The following AARS2 variants were observed in gnomAD, a reference collection of about 807,000 sequenced individuals.
AARS2 encodes alanyl-tRNA synthetase 2, mitochondrial.
In AARS2, 78 loss-of-function variants were observed where a neutral mutation model predicts 119.7. The ratio of observed to expected loss-of-function variants is 0.65; its 90% CI spans 0.54 to 0.79. The LOEUF is 0.79. Ranked by LOEUF, AARS2 falls within the 30% of genes least tolerant of loss-of-function variation. AARS2 has a pLI of 0.00. For missense variants in AARS2, 1,157 were observed against 1,291.3 expected, an observed-to-expected ratio of 0.90 and a Z score of 1.59; for synonymous variants, 502 against 526.3, an observed-to-expected ratio of 0.95 and a Z score of 0.63.
intron 21 of AARS2, 98 bp downstream of exon 21, chr6:44,301,058 C>A (rs1342993917): frequency 1.8e-5 from 19 of 1,029,164 alleles, no homozygotes; most frequent in Non-Finnish European, 2.5e-5. Context: ...TTCCACCCAG[C>A]CTTGGCCCCT....
In AARS2 at chr6:44,307,253, G is replaced by A. The variant is rs1438347145; in HGVS notation, c.1036C>T (p.Pro346Ser). 1.2e-6 allele frequency: 2 copies of A among 1,613,726 alleles called. No homozygotes were observed. Among genetic ancestry groups the A allele is most frequent in the Admixed American group, 3.3e-5 (2 of 59,974 alleles). ...CTGTAGCCCTTCCAGACTCACGGGG[G>A]ACCTGACATCCCAGGGAAGATGCCA... The part of the protein sequence containing the change: ...SDGIFPGMSG[P>S]PLVLRRILRR... Residue 346 changes from proline to serine, a missense_variant, in exon 6 of 22, where the codon CCC becomes TCC. By Grantham distance (74) the Pro-to-Ser change is moderately conservative. Transcript: ENST00000244571. The surrounding 1 kb of genome is among the most constrained non-coding windows in gnomAD (Gnocchi z 4.4).
intron 19 of AARS2, among the ~76,000 whole-genome samples, chr6:44,301,811 A>T (rs1785381671): frequency 6.6e-6 from 1 of 152,188 alleles, no homozygotes; most frequent in Non-Finnish European, 1.5e-5. Flanking sequence ...GCTGAATGGC[A>T]CTAATCAAGT....
rs111325758 is a variant in AARS2 at position 44,302,438 on chromosome 6, C to T, written c.2440G>A (p.Val814Met). ...TERLSLGSRD[V>M]AEALRLSKDI... ...TTGGACAGCCTCAGTGCCTCCGCCACATCCCGGCTCCCCAGACTCAGCCGC... is the reference window on the plus strand; with the variant it reads ...TTGGACAGCCTCAGTGCCTCCGCCATATCCCGGCTCCCCAGACTCAGCCGC... The change falls in exon 18 of 22, where the codon GTG becomes ATG. Residue 814 changes from valine (V) to methionine (M), a missense_variant. Coordinates refer to ENST00000244571, the MANE Select transcript of AARS2 (RefSeq NM_020745.4). The T allele has an allele frequency of 2.9e-3, 4,709 of 1,614,148 alleles. 113 individuals are homozygous for T. The African/African-American group carries it at 0.055, about 19-fold the overall frequency.
At position 44,301,088 on chromosome 6, in the gene AARS2, T is replaced by G. The variant is rs1785313563; in HGVS notation, c.2793+68A>C. 2.1e-6 allele frequency: 3 copies of G among 1,434,780 alleles called. No homozygotes were observed. The South Asian group carries it at 3.7e-5, about 18-fold the overall frequency. The allele number at this position is 1,434,780 out of a possible 1,614,324, so 88.9% of individuals were successfully genotyped here. ...GCCCCTTTGGGAGGAATTAAAGGTG[T>G]AAAATCAGAGAGCTGGACCAGGATG... On this transcript the variant is annotated intron_variant, in intron 21 of 21. Transcript: ENST00000244571.
intron 21 of AARS2, 51 bp downstream of exon 21, chr6:44,301,105 A>G (rs1014822906): frequency 4.6e-6 from 7 of 1,514,314 alleles, no homozygotes; most frequent in Non-Finnish European, 6.4e-6. Context: ...AGAGAGCTGG[A>G]CCAGGATGGG....
Position 44,310,386 on chromosome 6 carries a change from G to A in AARS2, c.807C>T (p.Gly269=). 6.2e-7 allele frequency: 1 copy of A among 1,614,182 alleles called. No individual in the cohort carries two copies. The highest frequency in any genetic ancestry group is 8.5e-7 in the Non-Finnish European group (1 of 1,180,010). ...GCAGCACAGCCACCAGCCTTTCCAG[G>A]CCCATTCCTGTGTCCACATGCCGCT... is the stretch of plus-strand genomic sequence containing the variant. The part of the protein sequence containing the change: ...LPQRHVDTGM[G]LERLVAVLQG... The change falls in exon 5 of 22, where the codon GGC becomes GGT. Residue 269 remains glycine (G), a synonymous_variant. Coordinates refer to ENST00000244571, the MANE Select transcript of AARS2 (RefSeq NM_020745.4).
At chr6:44,313,002 C>T in intron 1 of AARS2, 79 bp downstream of exon 1, 2 of 1,593,386 alleles carry the variant, frequency 1.3e-6, no homozygotes, top group Non-Finnish European at 1.7e-6. Flanking sequence ...CCTCTCGCTT[C>T]TTTTGCCCAA....
At position 44,305,541 on chromosome 6, in the gene AARS2, T is replaced by A; in HGVS notation, c.1434+112A>T. 6.5e-7 allele frequency: 1 copy of A among 1,537,196 alleles called. No homozygotes were observed. The highest frequency in any genetic ancestry group is 8.9e-7 in the Non-Finnish European group (1 of 1,117,488). ...GAAACCTCCCAGGTGAGGGGACAGA[T>A]CCTATCTCAGCCTCTTGATTCCTCT... On this transcript the variant is annotated intron_variant, in intron 10 of 21. Coordinates refer to ENST00000244571, the MANE Select transcript of AARS2 (RefSeq NM_020745.4). This position sits in a 1 kb window ranked among gnomAD's most constrained non-coding sequence, Gnocchi z 4.6.
intron 9 of AARS2, 80 bp downstream of exon 9, chr6:44,306,200 G>T: frequency 7.5e-7 from 1 of 1,338,520 alleles, no homozygotes. Flanking sequence ...GAGGCATGGG[G>T]CTGGCCCAGA....
chr6:44,300,414 G>C lies in AARS2; in HGVS notation c.*133C>G. On this transcript the variant is annotated 3_prime_UTR_variant, in exon 22 of 22. Coordinates refer to ENST00000244571, the MANE Select transcript of AARS2 (RefSeq NM_020745.4). ...CTTGTGTCACGTAGGCCCTGGCCCA[G>C]GTGATCTTCTTTGGCTCAGCTGCTT... 2.3e-6 allele frequency: 3 copies of C among 1,330,640 alleles called. No homozygotes were observed. The highest frequency in any genetic ancestry group is 2.4e-5 in the South Asian group (2 of 83,690). The allele number at this position is 1,330,640 out of a possible 1,614,324, so 82.4% of individuals were successfully genotyped here.
intron 14 of AARS2, among the ~76,000 whole-genome samples, chr6:44,303,770 G>A (rs1447906063): frequency 1.3e-5 from 2 of 152,204 alleles, no homozygotes; most frequent in Non-Finnish European, 2.9e-5. Context: ...CAGGTGGGAT[G>A]GGGATTAGCC....
chr6:44,300,592 T>C lies in AARS2; in HGVS notation c.2913A>G (p.Glu971=). Residue 971 remains glutamate (E), a synonymous_variant, in exon 22 of 22, where the codon GAA becomes GAG. Transcript: ENST00000244571. Reference sequence around the variant, plus strand: ...AGGTTTGGGCTATACTGAGGGCAGCTTCCAGGTCAGTAGTGCTTCCGGTGC... The same window carrying C: ...AGGTTTGGGCTATACTGAGGGCAGCCTCCAGGTCAGTAGTGCTTCCGGTGC... ...AQGTGSTTDL[E]AALSIAQTYA... 1 of 1,614,084 alleles carries C rather than the reference T, an allele frequency of 6.2e-7. No homozygotes were observed. The highest frequency in any genetic ancestry group is 1.1e-5 in the South Asian group (1 of 91,084).
chr6:44,304,938 A>G (rs780483398), intron 11 of AARS2, 116 bp downstream of exon 11: 3 of 1,602,978 alleles, frequency 1.9e-6, no homozygotes, highest in Non-Finnish European at 2.6e-6. Context: ...GGGGCCACAG[A>G]GACCCCTGGT....
rs200410313 is a variant in AARS2 at position 44,302,869 on chromosome 6, A to C, written c.2297T>G (p.Ile766Ser). ...RTGAVGDLVI[I>S]GDRQLSKGTT... ...GCCCTTGGAAAGCTGGCGGTCCCCG[A>C]TGATAACCAGGTCCCCTACAGCCCC... The change falls in exon 17 of 22, where the codon ATC (isoleucine) becomes AGC (serine). Residue 766 changes from isoleucine to serine, a missense_variant. Coordinates refer to ENST00000244571, the MANE Select transcript of AARS2 (RefSeq NM_020745.4). 110 of 1,614,000 alleles carry C rather than the reference A, an allele frequency of 6.8e-5. No individual in the cohort carries two copies. Among genetic ancestry groups the C allele is most frequent in the Non-Finnish European group, 8.6e-5 (102 of 1,180,028 alleles).
At position 44,303,093 on chromosome 6, in the gene AARS2, T is replaced by G; in HGVS notation, c.2228A>C (p.Gln743Pro). ...ALDPASQAAL[Q>P]TSVELCCGTH... is the part of the protein sequence containing the mutation. ...CCCACAGCATAGCTCCACAGAGGTC[T>G]GCAGTGCGGCTTGGGAGGCTGGGTC... The change falls in exon 16 of 22, where the codon CAG (glutamine) becomes CCG (proline). Residue 743 changes from glutamine (Q) to proline (P), a missense_variant. By Grantham distance (76) the Gln-to-Pro change is moderately conservative. Coordinates refer to ENST00000244571, the MANE Select transcript of AARS2 (RefSeq NM_020745.4). 1 of 1,614,070 alleles carries G rather than the reference T, an allele frequency of 6.2e-7. No homozygotes were observed. The highest frequency in any genetic ancestry group is 8.5e-7 in the Non-Finnish European group (1 of 1,180,022).
chr6:44,306,593 C>T lies in AARS2; in HGVS notation c.1150-61G>A, dbSNP rs1159892086. The T allele has an allele frequency of 4.4e-6, 7 of 1,595,212 alleles. No individual in the cohort carries two copies. In the Admixed American group the frequency reaches 1.0e-4, roughly 23 times the overall value. ...GGCAACCAACCCACCCCCACCTCCC[C>T]ACCCTGGGCCTCCCTGAGGACACCT... On this transcript the variant is annotated intron_variant, in intron 7 of 21. Coordinates refer to ENST00000244571, the MANE Select transcript of AARS2 (RefSeq NM_020745.4).
rs1269255957 is a variant in AARS2 at position 44,310,318 on chromosome 6, A to C, written c.875T>G (p.Leu292Arg). 2 of 1,606,614 alleles carry C rather than the reference A, an allele frequency of 1.2e-6. No homozygotes were observed. Among genetic ancestry groups the C allele is most frequent in the Non-Finnish European group, 1.7e-6 (2 of 1,176,358 alleles). The change falls in exon 5 of 22, where the codon CTG (leucine) becomes CGG (arginine). Residue 292 changes from leucine (L) to arginine (R), a missense_variant. Physicochemically the swap from Leu to Arg is moderately radical, Grantham distance 102. Coordinates refer to ENST00000244571, the MANE Select transcript of AARS2 (RefSeq NM_020745.4). Reference sequence around the variant, plus strand: ...ACTCACCTGCTGTATGGCGTTGAGCAGCGGGGAAAAGAGGTCAGTGTCATA... The same window carrying C: ...ACTCACCTGCTGTATGGCGTTGAGCCGCGGGGAAAAGAGGTCAGTGTCATA... ...STYDTDLFSP[L>R]LNAIQQGCRA...
Position 44,312,105 on chromosome 6 carries a change from A to G in AARS2, c.402T>C (p.Leu134=). The change falls in exon 2 of 22, where the codon CTT becomes CTC. Residue 134 remains leucine, a synonymous_variant. Transcript: ENST00000244571. ...ATTCACCCCCAAAGGCCCAATTGCC[A>G]AGCATTTCAAAGAAGGTATGATGGG... ...DLSHHTFFEM[L]GNWAFGGEYF... 1.2e-6 allele frequency: 2 copies of G among 1,614,242 alleles called. No homozygotes were observed. The highest frequency in any genetic ancestry group is 1.1e-5 in the South Asian group (1 of 91,088).
In AARS2 at chr6:44,301,328, C is replaced by T. The variant is rs545232049; in HGVS notation, c.2682+53G>A. 3 of 1,613,416 alleles carry T rather than the reference C, an allele frequency of 1.9e-6. No homozygotes were observed. The South Asian group carries it at 3.3e-5, about 18-fold the overall frequency. ...CCCAGACCCCTAGCTGTCTCCTGGT[C>T]AGGACTTTGCCCTCCCCAGACCCTG... is the stretch of plus-strand genomic sequence containing the variant. On this transcript the variant is annotated intron_variant, in intron 20 of 21. Coordinates refer to ENST00000244571, the MANE Select transcript of AARS2 (RefSeq NM_020745.4).
Sources: gnomAD v4.1 joint callset for allele counts (sites outside exome capture counted in the v4.1 genomes callset) on GRCh38, gnomAD v4.1.1 for gene constraint, Gnocchi (gnomAD v3.1) non-coding constraint, MANE v1.5 for transcripts, NCBI Gene and HGNC (gene_info 2026-07-23, HGNC 2026-07-21) for gene names.